The following HERC2 variants were observed in gnomAD, a reference collection of about 807,000 sequenced individuals.
The protein encoded by HERC2 is HECT and RLD domain containing E3 ubiquitin protein ligase 2.
In HERC2, 102 loss-of-function variants were observed where a neutral mutation model predicts 537.7. That is an observed-to-expected ratio of 0.19 (90% CI 0.16 to 0.22). The LOEUF is 0.22. Among genes scored for constraint, HERC2 ranks in the 10% least tolerant of loss-of-function variants. The probability of loss-of-function intolerance (pLI) is 1.00; values close to 1 mark genes in which losing one functional copy is unlikely to be tolerated. For missense variants in HERC2, 4,236 were observed against 6,198.2 expected, an observed-to-expected ratio of 0.68 and a Z score of 10.63; for synonymous variants, 2,224 against 2,466.2, an observed-to-expected ratio of 0.90 and a Z score of 2.91.
intron 81 of HERC2, among the ~76,000 whole-genome samples, chr15:28,131,373 C>T (rs965149392): frequency 3.3e-5 from 5 of 152,158 alleles, no homozygotes; most frequent in African/African-American, 7.2e-5. Flanking sequence ...TGCAACCCCA[C>T]AGCCCCACGA....
intron 69 of HERC2, among the ~76,000 whole-genome samples, chr15:28,153,907 G>A (rs537679305): frequency 3.2e-3 from 481 of 152,240 alleles, no homozygotes; most frequent in African/African-American, 0.011. Flanking sequence ...CCATCAAGCC[G>A]CTCAGGCCAG....
chr15:28,267,240 C>A (rs565432881), intron 12 of HERC2, among the ~76,000 whole-genome samples: 42 of 152,306 alleles, frequency 2.8e-4, no homozygotes, highest in African/African-American at 9.4e-4. Flanking sequence ...TACTCCAGTA[C>A]AAACTATCCC....
chr15:28,173,384 T>G (rs1894880978), intron 65 of HERC2, among the ~76,000 whole-genome samples: 1 of 151,916 alleles, frequency 6.6e-6, no homozygotes, highest in Non-Finnish European at 1.5e-5. Context: ...TATTCAACAA[T>G]TTAAAAAGAA....
chr15:28,288,116 G>A (rs2076209433), intron 4 of HERC2, among the ~76,000 whole-genome samples: 1 of 152,070 alleles, frequency 6.6e-6, no homozygotes, highest in Non-Finnish European at 1.5e-5. Flanking sequence ...CAGACAGACT[G>A]AAAAACTTCT....
rs551962449 is a variant in HERC2 at position 28,192,960 on chromosome 15, G to A, written c.8261-809C>T. Among the ~76,000 whole-genome samples the A allele has an allele frequency of 5.9e-5, 9 of 151,866 alleles. No homozygotes were observed. In the East Asian group the frequency reaches 9.7e-4, roughly 16 times the overall value. The stretch of plus-strand genomic sequence containing the variant: ...TTTTTTTCCAACAGATTGCAACTCA[G>A]CATAAAATCATCTCAATCAATGAAT... On this transcript the variant is annotated intron_variant, in intron 52 of 92. Coordinates refer to ENST00000261609, the MANE Select transcript of HERC2 (RefSeq NM_004667.6).
At position 28,214,233 on chromosome 15, in the gene HERC2, G is replaced by A. The variant is rs1055066171; in HGVS notation, c.6398C>T (p.Ser2133Leu). ...LRRRRVRPQA[S>L]LTATHSSTLA... ...TGTGCTGCTGTGGGTGGCAGTCAGC[G>A]AGGCCTGCGGGCGCACCCTGCGCCG... The change falls in exon 41 of 93, where the codon TCG becomes TTG. Residue 2133 changes from serine to leucine, a missense_variant. This residue lies in a region of HERC2 where 365 missense variants were observed against 468.8 expected (regional missense o/e 0.78). Coordinates refer to ENST00000261609, the MANE Select transcript of HERC2 (RefSeq NM_004667.6). 8 of 1,611,842 alleles carry A rather than the reference G, an allele frequency of 5.0e-6. No individual in the cohort carries two copies. The highest frequency in any genetic ancestry group is 1.7e-5 in the Admixed American group (1 of 59,992).
At chr15:28,267,747 C>T (rs1386757497) in intron 12 of HERC2, among the ~76,000 whole-genome samples, 1 of 152,254 alleles carries the variant, frequency 6.6e-6, no homozygotes, top group East Asian at 1.9e-4. Context: ...TGTGCATGGG[C>T]CATGCCCCCC....
intron 44 of HERC2, among the ~76,000 whole-genome samples, chr15:28,207,323 TG>T (rs1237521263): frequency 4.6e-5 from 7 of 151,986 alleles, no homozygotes; most frequent in African/African-American, 7.2e-5. Context: ...TTAGTATAGA[TG>T]GGGGTTTCAC....
At chr15:28,314,390 G>A (rs1037544477) in intron 2 of HERC2, among the ~76,000 whole-genome samples, 11 of 152,158 alleles carry the variant, frequency 7.2e-5, no homozygotes, top group Admixed American at 1.3e-4. Context: ...AGTGAGACAA[G>A]GAGATCAATG....
At chr15:28,230,711 C>T (rs1469243974) in intron 30 of HERC2, among the ~76,000 whole-genome samples, 1 of 151,756 alleles carries the variant, frequency 6.6e-6, no homozygotes, top group Non-Finnish European at 1.5e-5. Context: ...GGAGAAGCCC[C>T]GAAGCACGGG....
intron 69 of HERC2, among the ~76,000 whole-genome samples, chr15:28,158,275 A>G (rs1275217702): frequency 1.3e-5 from 2 of 152,264 alleles, no homozygotes; most frequent in Middle Eastern, 3.4e-3. Flanking sequence ...AGCTGAGTTC[A>G]GTTCCTGGAT....
In HERC2 at chr15:28,272,384, T is replaced by G; in HGVS notation, c.914A>C (p.Gln305Pro). The change falls in exon 9 of 93, where the codon CAA becomes CCA. Residue 305 changes from glutamine (Q) to proline (P), a missense_variant and splice_region_variant. By Grantham distance (76) the Gln-to-Pro change is moderately conservative. Transcript: ENST00000261609. Reference protein sequence around the residue: ...ELAVQRGTLSQMLSAILLLLQ... With the variant: ...ELAVQRGTLSPMLSAILLLLQ... Reference sequence around the variant, plus strand: ...CAACAACAGGATGGCAGACAACATTTGGCTAAAGGAGAAAAGATATTTATT... The same window carrying G: ...CAACAACAGGATGGCAGACAACATTGGGCTAAAGGAGAAAAGATATTTATT... 2 of 1,611,040 alleles carry G rather than the reference T, an allele frequency of 1.2e-6. No individual in the cohort carries two copies. The highest frequency in any genetic ancestry group is 1.7e-6 in the Non-Finnish European group (2 of 1,178,344).
chr15:28,142,784 C>G (rs772771219), intron 75 of HERC2, 43 bp downstream of exon 75: 2 of 1,526,668 alleles, frequency 1.3e-6, no homozygotes, highest in Non-Finnish European at 1.8e-6. Context: ...CTCTTTCAGT[C>G]AAATAGCTCT....
rs1891274347 is a variant in HERC2 at position 28,141,990 on chromosome 15, A to G, written c.11701-144T>C. ...ATGTTATGGTTCATGGGCAAAACCA[A>G]TAATGACTGCATCAAGTCTAACATA... is the stretch of plus-strand genomic sequence containing the variant. On this transcript the variant is annotated intron_variant, in intron 76 of 92. Coordinates refer to ENST00000261609, the MANE Select transcript of HERC2 (RefSeq NM_004667.6). 2.0e-5 allele frequency: 15 copies of G among 745,400 alleles called. 2 individuals carry two copies. The South Asian group carries it at 2.6e-4, about 13-fold the overall frequency. The allele number at this position is 745,400 out of a possible 1,614,324, so 46.2% of individuals were successfully genotyped here. A position where few individuals can be genotyped will look rare whatever the true frequency, so the allele number is the denominator to read the frequency against.
chr15:28,304,641 G>C (rs2076729514), intron 2 of HERC2, among the ~76,000 whole-genome samples: 2 of 151,430 alleles, frequency 1.3e-5, no homozygotes, highest in Admixed American at 1.3e-4. Context: ...TGGGATTACA[G>C]GTGTGAGCCA....
chr15:28,217,184 G>C lies in HERC2; in HGVS notation c.6028+1305C>G, dbSNP rs562658824. 1.5e-3 allele frequency among the ~76,000 whole-genome samples: 232 copies of C among 151,928 alleles called. 1 individual carries two copies. The highest frequency in any genetic ancestry group is 5.5e-3 in the African/African-American group (226 of 41,442). On this transcript the variant is annotated intron_variant, in intron 38 of 92. Coordinates refer to ENST00000261609, the MANE Select transcript of HERC2 (RefSeq NM_004667.6). ...CTTACACTGACTTACACTTACACTG[G>C]GTGTCTCATTCGCACACCCAGTAAT...
At chr15:28,293,101 G>A (rs780876822) in intron 3 of HERC2, 79 bp from the exon 4 acceptor site, 53 of 1,315,080 alleles carry the variant, frequency 4.0e-5, no homozygotes, top group Middle Eastern at 2.8e-4. Context: ...GTCCCTCCCC[G>A]AAAAGTTACA....
In HERC2 at chr15:28,142,291, C is replaced by A. The variant is rs1318937591; in HGVS notation, c.11647G>T (p.Val3883Phe). 1 of 1,614,202 alleles carries A rather than the reference C, an allele frequency of 6.2e-7. No homozygotes were observed. The highest frequency in any genetic ancestry group is 1.1e-5 in the South Asian group (1 of 91,084). Residue 3883 changes from valine to phenylalanine, a missense_variant, in exon 76 of 93, where the codon GTT becomes TTT. Around this residue, in one of 27 missense-constraint regions of HERC2, gnomAD observed 156 missense variants for 172.3 expected, o/e 0.91. Coordinates refer to ENST00000261609, the MANE Select transcript of HERC2 (RefSeq NM_004667.6). Reference sequence around the variant, plus strand: ...GTTCTTTTGTCAAGGGCCACAGCAACACGGGAGGCCATGCAGTACCTCCGG... The same window carrying A: ...GTTCTTTTGTCAAGGGCCACAGCAAAACGGGAGGCCATGCAGTACCTCCGG... ...WFRRYCMASRVAVALDKRTPL... is the reference protein window; with the variant it reads ...WFRRYCMASRFAVALDKRTPL...
At chr15:28,238,309 T>C in intron 24 of HERC2, 92 bp from the exon 25 acceptor site, 1 of 1,021,160 alleles carries the variant, frequency 9.8e-7, no homozygotes. Flanking sequence ...AGTTAGGCGC[T>C]TAACTCAAAA....
Sources: gnomAD v4.1 joint callset for allele counts (sites outside exome capture counted in the v4.1 genomes callset) on GRCh38, gnomAD v4.1.1 for gene constraint, gnomAD v4.1.1 regional missense constraint, MANE v1.5 for transcripts, NCBI Gene and HGNC (gene_info 2026-07-23, HGNC 2026-07-21) for gene names.